The following RUFY3 variants were observed in gnomAD, a reference collection of about 807,000 sequenced individuals.
RUFY3 encodes RUN and FYVE domain containing 3.
A neutral mutation model predicts 84.0 loss-of-function variants in RUFY3; 34 were observed. That is an observed-to-expected ratio of 0.40 (90% CI 0.31 to 0.54). The LOEUF (loss-of-function observed/expected upper bound fraction) is 0.54, where lower values mean the gene tolerates loss of function less well. Among genes scored for constraint, RUFY3 ranks in the 20% least tolerant of loss-of-function variants. The pLI is 0.39. For missense variants in RUFY3, 507 were observed against 736.8 expected (o/e 0.69, Z 3.61); for synonymous variants, 242 against 252.9 (o/e 0.96, Z 0.41).
At chr4:70,780,721 G>A (rs1728775786) in intron 8 of RUFY3, among the ~76,000 whole-genome samples, 1 of 152,216 alleles carries the variant, frequency 6.6e-6, no homozygotes, top group Admixed American at 6.5e-5. Context: ...TTTAATACAT[G>A]ATTAGGGCTT....
At chr4:70,761,187 A>G (rs187766646) in intron 1 of RUFY3, among the ~76,000 whole-genome samples, 3 of 152,308 alleles carry the variant, frequency 2.0e-5, no homozygotes, top group African/African-American at 7.2e-5. Context: ...GAGGATATAC[A>G]TGGCATAAGG....
At chr4:70,798,616 T>C (rs1039265563) in intron 14 of RUFY3, among the ~76,000 whole-genome samples, 1 of 152,124 alleles carries the variant, frequency 6.6e-6, no homozygotes, top group East Asian at 1.9e-4. Flanking sequence ...ACCCCATCTC[T>C]ACTAAAATAC....
At chr4:70,704,982 A>AGCGAGGAGCCGGCGAGGG in exon 1 of RUFY3, 3 of 1,225,574 alleles carry the variant, frequency 2.4e-6, no homozygotes, top group Non-Finnish European at 3.0e-6. Flanking sequence ...CGAAAGTTGC[A>AGCGAGGAGCCGGCGAGGG]GCGAGGAGCC....
At chr4:70,739,776 A>G (rs1560474885) in intron 1 of RUFY3, among the ~76,000 whole-genome samples, 1 of 151,520 alleles carries the variant, frequency 6.6e-6, no homozygotes, top group Non-Finnish European at 1.5e-5. Context: ...AAGAAGTACA[A>G]GAGGGGCCAG....
intron 1 of RUFY3, chr4:70,705,306 A>G (rs935743360): frequency 7.2e-7 from 1 of 1,384,704 alleles, no homozygotes. Flanking sequence ...TGAGTGGCGG[A>G]GGGGCATGGG....
chr4:70,705,834 A>AT (rs1259124958), intron 1 of RUFY3, among the ~76,000 whole-genome samples: 3 of 152,326 alleles, frequency 2.0e-5, no homozygotes, highest in African/African-American at 4.8e-5. Flanking sequence ...CTAGTAACTA[A>AT]TTTTTTACGA....
intron 1 of RUFY3, among the ~76,000 whole-genome samples, chr4:70,716,212 G>C (rs28522958): frequency 0.13 from 20,116 of 151,892 alleles, 3,188 homozygotes; most frequent in African/African-American, 0.38. Flanking sequence ...GTGGCATGAC[G>C]TCGGCTCACT....
chr4:70,781,204 G>A (rs905941220), intron 8 of RUFY3, among the ~76,000 whole-genome samples: 2 of 152,120 alleles, frequency 1.3e-5, no homozygotes, highest in Non-Finnish European at 2.9e-5. Context: ...TCCACTTCAG[G>A]CCTGGCACAG....
chr4:70,708,990 T>G (rs1445601334), intron 1 of RUFY3, among the ~76,000 whole-genome samples: 1 of 152,178 alleles, frequency 6.6e-6, no homozygotes, highest in Admixed American at 6.6e-5. Context: ...TCTGGGAAGT[T>G]GAGGATGCAG....
chr4:70,723,430 A>T (rs534866283), intron 1 of RUFY3, among the ~76,000 whole-genome samples: 68 of 152,282 alleles, frequency 4.5e-4, no homozygotes, highest in African/African-American at 1.6e-3. Flanking sequence ...TCTATTGGCC[A>T]TTGCTTTTTA....
chr4:70,737,613 G>A (rs1033909599), intron 1 of RUFY3, among the ~76,000 whole-genome samples: 11 of 151,204 alleles, frequency 7.3e-5, no homozygotes, highest in African/African-American at 1.9e-4. Flanking sequence ...GCGTTCTAGT[G>A]TCACCTAGCT....
intron 1 of RUFY3, among the ~76,000 whole-genome samples, chr4:70,761,786 A>T (rs1477860612): frequency 1.3e-5 from 2 of 152,368 alleles, no homozygotes; most frequent in African/African-American, 4.8e-5. Context: ...CATTATACTA[A>T]TAATGCTAGT....
intron 1 of RUFY3, among the ~76,000 whole-genome samples, chr4:70,735,451 G>T (rs1720111152): frequency 6.6e-6 from 1 of 152,184 alleles, no homozygotes; most frequent in African/African-American, 2.4e-5. Flanking sequence ...CAGTGAAAAA[G>T]ACTTCTTCCC....
chr4:70,787,187 A>ATATAT (rs1341692129), intron 10 of RUFY3, among the ~76,000 whole-genome samples: 3 of 81,474 alleles, frequency 3.7e-5, no homozygotes, highest in Admixed American at 1.9e-4. Context: ...AAAAAAAAAA[A>ATATAT]ATATATATAT....
intron 1 of RUFY3, among the ~76,000 whole-genome samples, chr4:70,710,031 C>T (rs1024611629): frequency 4.6e-5 from 7 of 152,164 alleles, no homozygotes; most frequent in African/African-American, 9.7e-5. Flanking sequence ...TACTTAACAG[C>T]GAGTGCCATG....
At chr4:70,737,405 A>G (rs1720491509) in intron 1 of RUFY3, among the ~76,000 whole-genome samples, 1 of 152,224 alleles carries the variant, frequency 6.6e-6, no homozygotes, top group Admixed American at 6.5e-5. Context: ...ATATAAAACT[A>G]AGAGTGTATG....
At chr4:70,743,613 C>T (rs1053624836) in intron 1 of RUFY3, among the ~76,000 whole-genome samples, 5 of 151,398 alleles carry the variant, frequency 3.3e-5, no homozygotes, top group Non-Finnish European at 7.4e-5. Context: ...GGATTTTTGT[C>T]GATGGTTATT....
At chr4:70,710,626 C>T (rs1277636822) in intron 1 of RUFY3, among the ~76,000 whole-genome samples, 4 of 151,720 alleles carry the variant, frequency 2.6e-5, no homozygotes, top group East Asian at 3.9e-4. Flanking sequence ...GCCGAGATTG[C>T]GCCATTGTAC....
intron 1 of RUFY3, among the ~76,000 whole-genome samples, chr4:70,726,762 G>A (rs1461653923): frequency 6.6e-6 from 1 of 152,198 alleles, no homozygotes; most frequent in Non-Finnish European, 1.5e-5. Context: ...GCTTAAGTCT[G>A]TACCCTAATT....
Sources: allele counts gnomAD v4.1 joint callset (sites outside exome capture counted in the v4.1 genomes callset), GRCh38; gene constraint gnomAD v4.1.1; transcripts MANE v1.5; gene names NCBI Gene and HGNC (gene_info 2026-07-23, HGNC 2026-07-21).